CAST: variants seen among roughly 807,000 people sequenced by gnomAD.
CAST encodes the protein MIR583 host.
CAST carries 76 observed loss-of-function variants against 119.6 expected under a neutral mutation model. The ratio of observed to expected loss-of-function variants is 0.64; its 90% CI spans 0.53 to 0.77. CAST has a LOEUF of 0.77. CAST is among the 30% of genes least tolerant of loss of function. The probability of loss-of-function intolerance (pLI) is 0.00; values close to 1 mark genes in which losing one functional copy is unlikely to be tolerated. For missense variants in CAST, 953 were observed against 946.5 expected (o/e 1.01, Z -0.09); for synonymous variants, 319 against 331.6 (o/e 0.96, Z 0.41).
the CAST span, among the ~76,000 whole-genome samples, chr5:96,235,552 A>G: frequency 1.3e-5 from 2 of 152,190 alleles, no homozygotes; most frequent in Non-Finnish European, 2.9e-5. Context: ...ATTTGGCTTC[A>G]TTCTACTAAT....
chr5:96,228,278 A>G, the CAST span, among the ~76,000 whole-genome samples: 2 of 152,154 alleles, frequency 1.3e-5, no homozygotes, highest in Non-Finnish European at 2.9e-5. Flanking sequence ...TCTTTATTTC[A>G]TAGGTCACTT....
chr5:96,378,406 G>A, the CAST span, among the ~76,000 whole-genome samples: 40 of 152,078 alleles, frequency 2.6e-4, no homozygotes, highest in South Asian at 7.9e-3. Context: ...AGCTTGATTG[G>A]GATGATTATT....
chr5:96,653,647 T>C (rs1748121517), intron 1 of CAST, among the ~76,000 whole-genome samples: 1 of 152,248 alleles, frequency 6.6e-6, no homozygotes, highest in Non-Finnish European at 1.5e-5. Flanking sequence ...AAAAATTATT[T>C]AAAAGCTCTT....
chr5:96,738,368 G>A (rs768816326), intron 11 of CAST, among the ~76,000 whole-genome samples: 12 of 152,198 alleles, frequency 7.9e-5, no homozygotes, highest in Middle Eastern at 3.4e-3. Flanking sequence ...GAAACAGGAT[G>A]ATGTCAGTAT....
intron 1 of CAST, among the ~76,000 whole-genome samples, chr5:96,667,451 T>A (rs1333189052): frequency 6.6e-6 from 1 of 152,206 alleles, no homozygotes; most frequent in South Asian, 2.1e-4. Flanking sequence ...TAAATTCTCA[T>A]GATACCCCCT....
chr5:96,034,068 T>A, the CAST span, among the ~76,000 whole-genome samples: 1 of 152,064 alleles, frequency 6.6e-6, no homozygotes, highest in Non-Finnish European at 1.5e-5. Flanking sequence ...CCCAGGAGTT[T>A]GAGGCCAGCC....
intron 3 of CAST, among the ~76,000 whole-genome samples, chr5:96,719,335 A>G (rs1302224892): frequency 2.0e-5 from 3 of 152,118 alleles, no homozygotes; most frequent in Admixed American, 6.5e-5. Flanking sequence ...TAATTTTTAA[A>G]TTTTTTGTAG....
chr5:96,774,616 A>G lies in CAST; in HGVS notation c.*2000A>G. ...GTTCCTCAGGTGACCAAAACTGAAA[A>G]TCAATATTTCCATGTTTCATTAATC... On this transcript the variant is annotated 3_prime_UTR_variant, in exon 32 of 32. Transcript: ENST00000675179. 2.0e-6 allele frequency: 2 copies of G among 985,534 alleles called. No individual in the cohort carries two copies. Among genetic ancestry groups the G allele is most frequent in the Non-Finnish European group, 2.4e-6 (2 of 829,858 alleles). 61.0% of individuals were successfully genotyped at this position (985,534 alleles called of 1,614,324 possible). A position where few individuals can be genotyped will look rare whatever the true frequency, so the allele number is the denominator to read the frequency against.
rs866838754 is a variant in CAST, at chr5:96,546,972, C to T, written c.60+17092C>T. On this transcript the variant is annotated intron_variant, in intron 1 of 11. Transcript: ENST00000505143. ...AAACTGACATAGCCCTAAAGCAAGGCTTTGAATGTGAACAATACCACACCA... is the reference window on the plus strand; with the variant it reads ...AAACTGACATAGCCCTAAAGCAAGGTTTTGAATGTGAACAATACCACACCA... Among the ~76,000 whole-genome samples, 3 of 152,128 alleles carry T rather than the reference C, an allele frequency of 2.0e-5. No individual in the cohort carries two copies. The South Asian group carries it at 6.2e-4, about 32-fold the overall frequency.
intron 1 of CAST, among the ~76,000 whole-genome samples, chr5:96,649,104 T>C (rs1156646900): frequency 6.6e-6 from 1 of 152,206 alleles, no homozygotes; most frequent in Non-Finnish European, 1.5e-5. Context: ...TCAAAGTTTT[T>C]AACCTACAGA....
At chr5:96,042,684 T>G in the CAST span, among the ~76,000 whole-genome samples, 63 of 152,326 alleles carry the variant, frequency 4.1e-4, no homozygotes, top group Non-Finnish European at 8.7e-4. Context: ...ACAAAGTGGC[T>G]AAGAGTATGA....
the CAST span, among the ~76,000 whole-genome samples, chr5:96,363,558 G>A: frequency 0.011 from 1,662 of 152,220 alleles, 19 homozygotes; most frequent in Middle Eastern, 0.02. Context: ...CACATCCCTT[G>A]TAAGTTGGAT....
chr5:96,312,786 TAA>T, the CAST span, among the ~76,000 whole-genome samples: 5 of 152,158 alleles, frequency 3.3e-5, no homozygotes, highest in African/African-American at 1.2e-4. Context: ...CTAATATGCC[TAA>T]GTGTTCTCTT....
intron 19 of CAST, among the ~76,000 whole-genome samples, chr5:96,749,072 C>A (rs10037212): frequency 0.24 from 35,998 of 152,104 alleles, 4,892 homozygotes; most frequent in Non-Finnish European, 0.32. Flanking sequence ...TCTTTCCTAC[C>A]AAACTGTGTC....
intron 1 of CAST, among the ~76,000 whole-genome samples, chr5:96,540,907 A>C (rs536863136): frequency 6.6e-6 from 1 of 152,328 alleles, no homozygotes; most frequent in Admixed American, 6.5e-5. Context: ...TTCATTGTAC[A>C]TACTATCAAC....
At chr5:96,277,144 T>C in the CAST span, among the ~76,000 whole-genome samples, 1 of 152,220 alleles carries the variant, frequency 6.6e-6, no homozygotes, top group Non-Finnish European at 1.5e-5. Flanking sequence ...GCAGTAAAAA[T>C]CGTCTTTGTA....
the CAST span, among the ~76,000 whole-genome samples, chr5:96,332,146 A>C: frequency 8.5e-4 from 130 of 152,336 alleles, no homozygotes; most frequent in Admixed American, 2.4e-3. Flanking sequence ...ACAAGAGATC[A>C]ATAAAAGCCT....
At chr5:96,094,300 G>A in the CAST span, among the ~76,000 whole-genome samples, 8 of 152,104 alleles carry the variant, frequency 5.3e-5, no homozygotes, top group Non-Finnish European at 1.0e-4. Flanking sequence ...TTGAGAGAGT[G>A]GCATTAGAAA....
At chr5:96,709,050 C>T (rs566174656) in intron 3 of CAST, among the ~76,000 whole-genome samples, 123 of 152,210 alleles carry the variant, frequency 8.1e-4, no homozygotes, top group Non-Finnish European at 1.6e-3. Context: ...TGTGGTCATT[C>T]AGATTTCAAC....
Sources: allele counts gnomAD v4.1 joint callset (sites outside exome capture counted in the v4.1 genomes callset), GRCh38; gene constraint gnomAD v4.1.1; transcripts MANE v1.5; gene names NCBI Gene and HGNC (gene_info 2026-07-23, HGNC 2026-07-21).